The following LRBA variants were observed in gnomAD, a reference collection of about 807,000 sequenced individuals.
LRBA encodes the protein lipopolysaccharide-responsive and beige-like anchor protein.
In LRBA, 176 loss-of-function variants were observed where a neutral mutation model predicts 330.0. That is an observed-to-expected ratio of 0.53 (90% CI 0.47 to 0.60). The LOEUF (loss-of-function observed/expected upper bound fraction) is 0.60, where lower values mean the gene tolerates loss of function less well. LRBA is among the 20% of genes least tolerant of loss of function. LRBA has a pLI of 0.00. For synonymous variants in LRBA, 1,230 were observed against 1,193.0 expected (o/e 1.03, Z -0.64); for missense variants, 3,259 against 3,444.8 (o/e 0.95, Z 1.35).
chr4:150,999,256 CA>C (rs112965646), intron 2 of LRBA, among the ~76,000 whole-genome samples: 1 of 149,248 alleles, frequency 6.7e-6, no homozygotes, highest in African/African-American at 2.5e-5. Context: ...TAGAAACAAA[CA>C]AAAAAAAAGT....
chr4:150,852,975 T>C (rs1290352549), intron 22 of LRBA, 32 bp from the exon 23 acceptor site: 11 of 1,337,560 alleles, frequency 8.2e-6, no homozygotes, highest in Non-Finnish European at 1.1e-5. Flanking sequence ...AGTTAAAATA[T>C]GCATGAGAAA....
Position 150,905,960 on chromosome 4 carries a change from G to A in LRBA, c.1633C>T (p.Leu545Phe), listed in dbSNP as rs1579159425. 1 of 1,613,604 alleles carries A rather than the reference G, an allele frequency of 6.2e-7. No individual in the cohort carries two copies. The highest frequency in any genetic ancestry group is 8.5e-7 in the Non-Finnish European group (1 of 1,179,700). Residue 545 changes from leucine to phenylalanine, a missense_variant, in exon 13 of 57, where the codon CTT (leucine) becomes TTT (phenylalanine). Transcript: ENST00000651943. Reference protein sequence around the residue: ...SSKSHVSRAVLELCLAFSKYL... With the variant: ...SSKSHVSRAVFELCLAFSKYL... ...TTTGAAAATGCAAGGCAAAGTTCAA[G>A]TACTGCTCTGCTAACATGAGATTTG...
intron 47 of LRBA, among the ~76,000 whole-genome samples, chr4:150,400,727 C>G (rs761666951): frequency 1.3e-5 from 2 of 152,042 alleles, no homozygotes; most frequent in Non-Finnish European, 2.9e-5. Context: ...GTGGCATGTG[C>G]CTATAGTTCT....
chr4:150,826,306 G>A (rs530460819), intron 30 of LRBA, among the ~76,000 whole-genome samples: 3 of 152,102 alleles, frequency 2.0e-5, no homozygotes, highest in Non-Finnish European at 4.4e-5. Context: ...GCAGACAAAC[G>A]TAACCTATTT....
chr4:150,949,455 C>T (rs1249190678), intron 2 of LRBA, among the ~76,000 whole-genome samples: 1 of 151,964 alleles, frequency 6.6e-6, no homozygotes, highest in African/African-American at 2.4e-5. Context: ...AAGAGGGTAA[C>T]AGGAGGAAAC....
intron 37 of LRBA, among the ~76,000 whole-genome samples, chr4:150,655,922 C>A (rs1396345351): frequency 2.0e-5 from 3 of 152,126 alleles, no homozygotes; most frequent in African/African-American, 7.2e-5. Context: ...GGGTATTTAT[C>A]GCCAACTGCC....
chr4:150,335,192 A>G (rs896173902), intron 48 of LRBA, among the ~76,000 whole-genome samples: 1 of 152,038 alleles, frequency 6.6e-6, no homozygotes, highest in Admixed American at 6.6e-5. Flanking sequence ...AGATATAAAG[A>G]AAGTTATTAT....
At chr4:150,570,226 T>A (rs1769663199) in intron 40 of LRBA, among the ~76,000 whole-genome samples, 1 of 152,158 alleles carries the variant, frequency 6.6e-6, no homozygotes, top group Non-Finnish European at 1.5e-5. Flanking sequence ...TCGGGAATTT[T>A]TTTTTCCTTC....
chr4:150,520,789 T>C (rs543688239), intron 40 of LRBA, among the ~76,000 whole-genome samples: 1 of 152,194 alleles, frequency 6.6e-6, no homozygotes, highest in South Asian at 2.1e-4. Context: ...CTACTTGAGG[T>C]TGAAGGGTAG....
rs141782370 is a variant in LRBA, at chr4:150,735,327, T to C, written c.5685A>G (p.Val1895=). The part of the protein sequence containing the change: ...SQTMKDHLVR[V]ANEAEFILSR... ...TCAGGATAAATTCAGCTTCATTTGC[T>C]ACTCTTACTAGATGATCCTTCATTG... is the stretch of plus-strand genomic sequence containing the variant. The change falls in exon 36 of 57, where the codon GTA becomes GTG. Residue 1895 remains valine, a synonymous_variant. Transcript: ENST00000651943. 2 of 1,613,760 alleles carry C rather than the reference T, an allele frequency of 1.2e-6. No individual in the cohort carries two copies. The highest frequency in any genetic ancestry group is 1.7e-6 in the Non-Finnish European group (2 of 1,179,722).
At chr4:150,488,781 C>T (rs1758201860) in intron 41 of LRBA, among the ~76,000 whole-genome samples, 1 of 149,306 alleles carries the variant, frequency 6.7e-6, no homozygotes, top group Non-Finnish European at 1.5e-5. Flanking sequence ...ACCAATGTTC[C>T]TATAGTTTTT....
At chr4:150,967,837 T>TA (rs1306634849) in intron 2 of LRBA, among the ~76,000 whole-genome samples, 1 of 152,178 alleles carries the variant, frequency 6.6e-6, no homozygotes, top group Non-Finnish European at 1.5e-5. Context: ...GATAGTGAAC[T>TA]TAATAAATGT....
intron 13 of LRBA, 114 bp downstream of exon 13, chr4:150,905,724 T>C (rs929521870): frequency 2.3e-6 from 2 of 885,128 alleles, no homozygotes; most frequent in African/African-American, 3.4e-5. Context: ...AGCAATCCAC[T>C]GAAGTCTTGC....
At position 150,310,378 on chromosome 4, in the gene LRBA, T is replaced by G. The variant is rs138569653; in HGVS notation, c.7700A>C (p.Asn2567Thr). ...GATTTGCCTCCTGTGCATTCCTGTA[T>G]TGCTGGCTGTAAGAATAGGGAGGAA... ...PVEIDPLIAS[N>T]TGMHRRQITD... The change falls in exon 52 of 57, where the codon AAT becomes ACT. Residue 2567 changes from asparagine (N) to threonine (T), a missense_variant. Asn to Thr is a moderately conservative substitution (Grantham distance 65). Coordinates refer to ENST00000651943, the MANE Select transcript of LRBA (RefSeq NM_001364905.1). The G allele has an allele frequency of 6.2e-7, 1 of 1,612,260 alleles. No homozygotes were observed. Among genetic ancestry groups the G allele is most frequent in the Non-Finnish European group, 8.5e-7 (1 of 1,178,926 alleles).
chr4:150,268,476 A>T (rs777093914), intron 56 of LRBA, among the ~76,000 whole-genome samples: 2 of 152,362 alleles, frequency 1.3e-5, no homozygotes, highest in Non-Finnish European at 2.9e-5. Context: ...AAGACATTAC[A>T]ACAAAAGAAC....
intron 44 of LRBA, among the ~76,000 whole-genome samples, chr4:150,439,166 T>TA (rs563002957): frequency 1.2e-4 from 18 of 152,304 alleles, no homozygotes; most frequent in African/African-American, 4.3e-4. Flanking sequence ...TTATATGAAT[T>TA]AAAAATAGAA....
chr4:150,972,436 A>G (rs1198835455), intron 2 of LRBA, among the ~76,000 whole-genome samples: 2 of 152,204 alleles, frequency 1.3e-5, no homozygotes, highest in Non-Finnish European at 2.9e-5. Context: ...TAGATTTGGC[A>G]AATCTGAAAG....
At chr4:150,894,644 T>C (rs942874103) in intron 16 of LRBA, among the ~76,000 whole-genome samples, 1 of 152,204 alleles carries the variant, frequency 6.6e-6, no homozygotes, top group African/African-American at 2.4e-5. Context: ...CTGTGGAAGC[T>C]ACTTGTATAC....
At chr4:150,995,070 A>C (rs1742489007) in intron 2 of LRBA, among the ~76,000 whole-genome samples, 1 of 152,020 alleles carries the variant, frequency 6.6e-6, no homozygotes, top group Non-Finnish European at 1.5e-5. Context: ...AACAGAGATC[A>C]CAGTTGGCAT....
Sources: gnomAD v4.1 joint callset for allele counts (sites outside exome capture counted in the v4.1 genomes callset) on GRCh38, gnomAD v4.1.1 for gene constraint, MANE v1.5 for transcripts, NCBI Gene and HGNC (gene_info 2026-07-23, HGNC 2026-07-21) for gene names.